Variants in CCNT2 observed in about 807,000 individuals in gnomAD.
The protein encoded by CCNT2 is cyclin T2, also known as cyclin-T2.
In CCNT2, 18 loss-of-function variants were observed where a neutral mutation model predicts 70.0. That is an observed-to-expected ratio of 0.26 (90% confidence interval 0.18 to 0.38). CCNT2 has a LOEUF of 0.38. CCNT2 is among the 10% of genes least tolerant of loss of function. The probability of loss-of-function intolerance (pLI) is 1.00; values close to 1 mark genes in which losing one functional copy is unlikely to be tolerated. For missense variants in CCNT2, 734 were observed against 890.2 expected (o/e 0.82, Z 2.23); for synonymous variants, 334 against 313.3 (o/e 1.07, Z -0.70).
chr2:134,948,686 C>T (rs544670535), intron 7 of CCNT2, among the ~76,000 whole-genome samples: 6 of 150,780 alleles, frequency 4.0e-5, no homozygotes, highest in Admixed American at 6.6e-5. Flanking sequence ...ATTTTAACCA[C>T]GTACTGTAGA....
intron 5 of CCNT2, 146 bp from the exon 6 acceptor site, chr2:134,945,955 G>C (rs1477378559): frequency 6.4e-7 from 1 of 1,555,276 alleles, no homozygotes; most frequent in Non-Finnish European, 8.7e-7. Flanking sequence ...TATAGAAAAT[G>C]ATGGCGCTCT....
At chr2:134,921,572 T>C (rs1231709829) in intron 2 of CCNT2, among the ~76,000 whole-genome samples, 2 of 152,216 alleles carry the variant, frequency 1.3e-5, no homozygotes, top group African/African-American at 4.8e-5. Context: ...CAGGCCGGTC[T>C]TGAGCTCCTG....
chr2:134,939,066 C>A lies in CCNT2; in HGVS notation c.430+4C>A. The A allele has an allele frequency of 2.5e-6, 4 of 1,594,988 alleles. No individual in the cohort carries two copies. The highest frequency in any genetic ancestry group is 3.4e-6 in the Non-Finnish European group (4 of 1,163,380). On this transcript the variant is annotated splice_donor_region_variant and intron_variant, in intron 4 of 8. Transcript: ENST00000264157. ...ACCATAATGCTACAAACTCTAGGTA[C>A]GTACTTACATCAGATAATGGCTTTT...
At chr2:134,929,460 T>C (rs761954599) in intron 2 of CCNT2, among the ~76,000 whole-genome samples, 1 of 151,220 alleles carries the variant, frequency 6.6e-6, no homozygotes, top group Non-Finnish European at 1.5e-5. Flanking sequence ...AAAAAAAAAT[T>C]AGCCCGGCAT....
In CCNT2 at chr2:134,958,340, C is replaced by T. The variant is rs998951927; in HGVS notation, c.*3692C>T. On this transcript the variant is annotated 3_prime_UTR_variant, in exon 9 of 9. Transcript: ENST00000264157. Reference sequence around the variant, plus strand: ...CTCTTGTTAGGAAGAATCATGGATTCAGTATTTCTAACCTGATTACTGCCT... The same window carrying T: ...CTCTTGTTAGGAAGAATCATGGATTTAGTATTTCTAACCTGATTACTGCCT... The T allele has an allele frequency of 6.6e-6, 1 of 152,190 alleles. No homozygotes were observed. The highest frequency in any genetic ancestry group is 1.9e-4 in the East Asian group (1 of 5,192). The allele number at this position is 152,190 out of a possible 1,614,324, so 9.4% of individuals were successfully genotyped here. A position where few individuals can be genotyped will look rare whatever the true frequency, so the allele number is the denominator to read the frequency against.
At chr2:134,943,677 C>T in intron 5 of CCNT2, 1 of 984,634 alleles carries the variant, frequency 1.0e-6, no homozygotes, top group South Asian at 4.7e-5. Context: ...CTAAATGAAT[C>T]CTATATATCT....
At chr2:134,946,323 G>T in intron 6 of CCNT2, 177 bp downstream of exon 6, 1 of 1,170,270 alleles carries the variant, frequency 8.5e-7, no homozygotes, top group Non-Finnish European at 1.2e-6. Context: ...GGCACAGAGG[G>T]GTTAAATGCA....
intron 2 of CCNT2, among the ~76,000 whole-genome samples, chr2:134,922,281 A>G (rs1553519635): frequency 1.3e-5 from 2 of 152,248 alleles, no homozygotes; most frequent in African/African-American, 4.8e-5. Context: ...GTGACAAACT[A>G]TATCTAGTCT....
intron 7 of CCNT2, among the ~76,000 whole-genome samples, chr2:134,952,101 A>G (rs1340897672): frequency 6.6e-6 from 1 of 152,210 alleles, no homozygotes; most frequent in African/African-American, 2.4e-5. Context: ...CATCATATCA[A>G]GGGGTACAGT....
At chr2:134,945,700 A>C (rs1275618268) in intron 5 of CCNT2, 1 of 1,264,318 alleles carries the variant, frequency 7.9e-7, no homozygotes, top group East Asian at 5.5e-5. Context: ...AATATGACTG[A>C]GGATTAAGTC....
intron 2 of CCNT2, among the ~76,000 whole-genome samples, chr2:134,932,761 G>A (rs952022431): frequency 4.6e-5 from 7 of 152,162 alleles, no homozygotes; most frequent in Non-Finnish European, 8.8e-5. Context: ...CTTGGCAAAT[G>A]CCAATTAACA....
intron 2 of CCNT2, 51 bp downstream of exon 2, chr2:134,919,942 A>G: frequency 7.7e-7 from 1 of 1,292,924 alleles, no homozygotes; most frequent in Non-Finnish European, 1.1e-6. Flanking sequence ...GGGTAAATCG[A>G]TACGCAGAAA....
chr2:134,959,291 T>C lies in CCNT2; in HGVS notation c.*4643T>C, dbSNP rs1007091937. 1.3e-5 allele frequency: 2 copies of C among 152,250 alleles called. No individual in the cohort carries two copies. The highest frequency in any genetic ancestry group is 2.4e-5 in the African/African-American group (1 of 41,470). 9.4% of individuals were successfully genotyped at this position (152,250 alleles called of 1,614,324 possible). ...TATGGCATGAATTAGTCATTGACTT[T>C]AAGCTTCTTATCCATACAAGGAACT... is the stretch of plus-strand genomic sequence containing the variant. On this transcript the variant is annotated 3_prime_UTR_variant, in exon 9 of 9. Coordinates refer to ENST00000264157, the MANE Select transcript of CCNT2 (RefSeq NM_058241.3).
At chr2:134,950,672 G>C (rs1682430318) in intron 7 of CCNT2, among the ~76,000 whole-genome samples, 1 of 152,170 alleles carries the variant, frequency 6.6e-6, no homozygotes, top group South Asian at 2.1e-4. Context: ...TATCTGAATT[G>C]TAGAGTGAAG....
At chr2:134,929,613 C>CAGAGAGAGAGAGAGAGAGAGAG (rs140163816) in intron 2 of CCNT2, among the ~76,000 whole-genome samples, 1,866 of 117,540 alleles carry the variant, frequency 0.016, 61 homozygotes, top group South Asian at 0.025. Flanking sequence ...GTCTCAAAAA[C>CAGAGAGAGAGAGAGAGAGAGAG]AGAGAGAGAG....
At chr2:134,953,118 A>G in intron 8 of CCNT2, 112 bp from the exon 9 acceptor site, 4 of 703,196 alleles carry the variant, frequency 5.7e-6, no homozygotes. Flanking sequence ...AGGTCATTTT[A>G]TTTCCATATG....
At position 134,954,508 on chromosome 2, in the gene CCNT2, G is replaced by A. The variant is rs529755565; in HGVS notation, c.2053G>A (p.Val685Met). The A allele has an allele frequency of 1.1e-5, 17 of 1,613,952 alleles. No individual in the cohort carries two copies. The highest frequency in any genetic ancestry group is 1.4e-5 in the Non-Finnish European group (17 of 1,180,020). ...QVGYGHLSTLVKLDKKPVETN... is the reference protein window; with the variant it reads ...QVGYGHLSTLMKLDKKPVETN... ...GGGCTACGGACATCTCAGCACCCTC[G>A]TGAAACTGGACAAGAAGCCAGTGGA... The change falls in exon 9 of 9, where the codon GTG becomes ATG. Residue 685 changes from valine (V) to methionine (M), a missense_variant. Transcript: ENST00000264157.
Position 134,947,850 on chromosome 2 carries a change from G to C in CCNT2, c.654G>C (p.Lys218Asn). 1 of 1,553,120 alleles carries C rather than the reference G, an allele frequency of 6.4e-7. No individual in the cohort carries two copies. The highest frequency in any genetic ancestry group is 8.8e-7 in the Non-Finnish European group (1 of 1,136,152). Residue 218 changes from lysine to asparagine, a missense_variant, in exon 7 of 9, where the codon AAG becomes AAC. Around this residue, in one of 3 missense-constraint regions of CCNT2, gnomAD observed 161 missense variants for 303.8 expected, o/e 0.53. Coordinates refer to ENST00000264157, the MANE Select transcript of CCNT2 (RefSeq NM_058241.3). The stretch of plus-strand genomic sequence containing the variant: ...AGATCCCTGTATCAACTGATGGAAA[G>C]CATTGGTGGGAATATGTGGATCCTA... ...NWEIPVSTDG[K>N]HWWEYVDPTV...
chr2:134,953,073 CATTT>C (rs1366905451), intron 8 of CCNT2, 153 bp from the exon 9 acceptor site: 5 of 562,860 alleles, frequency 8.9e-6, no homozygotes, highest in Non-Finnish European at 1.2e-5. Context: ...GCCTCTAAGG[CATTT>C]ATTTACTGAC....
Sources: gnomAD v4.1 joint callset for allele counts (sites outside exome capture counted in the v4.1 genomes callset) on GRCh38, gnomAD v4.1.1 for gene constraint, gnomAD v4.1.1 regional missense constraint, MANE v1.5 for transcripts, NCBI Gene and HGNC (gene_info 2026-07-23, HGNC 2026-07-21) for gene names.